Variants in CD81 observed in about 807,000 individuals in gnomAD.
CD81 encodes the protein CD81 antigen.
A neutral mutation model predicts 30.1 loss-of-function variants in CD81; 10 were observed. The ratio of observed to expected loss-of-function variants is 0.33; its 90% CI spans 0.21 to 0.56. The LOEUF (loss-of-function observed/expected upper bound fraction) is 0.56, where lower values mean the gene tolerates loss of function less well. Among genes scored for constraint, CD81 ranks in the 20% least tolerant of loss-of-function variants. The probability of loss-of-function intolerance (pLI) is 0.89; values close to 1 mark genes in which losing one functional copy is unlikely to be tolerated. For missense variants in CD81, 263 were observed against 308.7 expected (o/e 0.85, Z 1.11); for synonymous variants, 147 against 126.4 (o/e 1.16, Z -1.10).
At position 2,396,696 on chromosome 11, in the gene CD81, C is replaced by T. The variant is rs145975232; in HGVS notation, c.630C>T (p.Ile210=). 33 of 1,611,644 alleles carry T rather than the reference C, an allele frequency of 2.0e-5. No homozygotes were observed. Among genetic ancestry groups the T allele is most frequent in the South Asian group, 3.3e-5 (3 of 91,096 alleles). ...TGTACCTCATCGGCATTGCTGCCAT[C>T]GTGGTCGCTGTGATCATGGTGAGCG... ...GKLYLIGIAA[I]VVAVIMIFEM... The change falls in exon 7 of 8, where the codon ATC becomes ATT. Residue 210 remains isoleucine, a synonymous_variant. Transcript: ENST00000263645.
At chr11:2,381,995 C>T (rs1849712354) in intron 1 of CD81, among the ~76,000 whole-genome samples, 1 of 152,224 alleles carries the variant, frequency 6.6e-6, no homozygotes, top group East Asian at 1.9e-4. Context: ...CCAAACTAAG[C>T]CCCCCAACCT....
At chr11:2,383,221 C>T (rs997562649) in intron 1 of CD81, among the ~76,000 whole-genome samples, 1 of 152,192 alleles carries the variant, frequency 6.6e-6, no homozygotes, top group Admixed American at 6.5e-5. Context: ...GCTCCTCTTC[C>T]CTCCATGCTG....
At chr11:2,385,697 G>A (rs145147584) in intron 1 of CD81, 4,278 of 307,872 alleles carry the variant, frequency 0.014, 106 homozygotes, top group Non-Finnish European at 0.019. Flanking sequence ...CGTGCCCGTC[G>A]TCTGTGCACC....
In CD81 at chr11:2,379,152, G is replaced by A. The variant is rs193197163; in HGVS notation, c.66+1537G>A. 87 of 454,836 alleles carry A rather than the reference G, an allele frequency of 1.9e-4. No homozygotes were observed. The East Asian group carries it at 5.5e-3, about 29-fold the overall frequency. The allele number at this position is 454,836 out of a possible 1,614,324, so 28.2% of individuals were successfully genotyped here. A position where few individuals can be genotyped will look rare whatever the true frequency, so the allele number is the denominator to read the frequency against. On this transcript the variant is annotated intron_variant, in intron 1 of 7. Transcript: ENST00000263645. ...GCTTCAGCCCAGGCATGTGGGAGAGGCACCAGACACAGGATGTCCCTCTGC... is the reference window on the plus strand; with the variant it reads ...GCTTCAGCCCAGGCATGTGGGAGAGACACCAGACACAGGATGTCCCTCTGC...
chr11:2,379,250 C>A (rs1326251082), intron 1 of CD81: 1 of 419,860 alleles, frequency 2.4e-6, no homozygotes, highest in Non-Finnish European at 4.8e-6. Flanking sequence ...GACTGTGGAC[C>A]TGGGGGTGGG....
chr11:2,377,697 C>A lies in CD81; in HGVS notation c.66+82C>A, dbSNP rs1338631663. ...GCAGGTCCCGCGGCAGCGTGCTAGG[C>A]CCCGCGGGCGCAGCGCGGGCCGCGA... On this transcript the variant is annotated intron_variant, in intron 1 of 7. Transcript: ENST00000263645. The surrounding 1 kb of genome is among the most constrained non-coding windows in gnomAD (Gnocchi z 7.7). The A allele has an allele frequency of 2.2e-6, 2 of 918,144 alleles. No homozygotes were observed. Among genetic ancestry groups the A allele is most frequent in the Non-Finnish European group, 3.1e-6 (2 of 652,708 alleles). 56.9% of individuals were successfully genotyped at this position (918,144 alleles called of 1,614,324 possible).
At chr11:2,395,385 C>T (rs1849978256) in intron 4 of CD81, 31 bp from the exon 5 acceptor site, 1 of 1,549,544 alleles carries the variant, frequency 6.5e-7, no homozygotes, top group Non-Finnish European at 8.9e-7. Flanking sequence ...GGGAGGTTCC[C>T]CCTGTGCATG....
intron 2 of CD81, chr11:2,391,019 T>G: frequency 4.2e-6 from 1 of 237,342 alleles, no homozygotes; most frequent in Non-Finnish European, 8.4e-6. Flanking sequence ...TGCACCTTGC[T>G]GCCTTATTAG....
intron 2 of CD81, among the ~76,000 whole-genome samples, chr11:2,390,874 G>A (rs575396413): frequency 2.0e-5 from 3 of 152,028 alleles, no homozygotes; most frequent in South Asian, 4.1e-4. Flanking sequence ...AGCTGGCGCT[G>A]TGGAGCCCGG....
intron 1 of CD81, among the ~76,000 whole-genome samples, chr11:2,389,543 T>A (rs1849858315): frequency 1.3e-5 from 2 of 152,046 alleles, no homozygotes; most frequent in African/African-American, 4.8e-5. Context: ...TAGAGTTGAT[T>A]GTGTGCACAC....
chr11:2,381,290 G>T (rs978388868), intron 1 of CD81, among the ~76,000 whole-genome samples: 3 of 152,220 alleles, frequency 2.0e-5, no homozygotes, highest in African/African-American at 7.2e-5. Flanking sequence ...CTACTTCCCC[G>T]GTCGCCCCTG....
chr11:2,381,830 C>G (rs1440449476), intron 1 of CD81, among the ~76,000 whole-genome samples: 1 of 152,246 alleles, frequency 6.6e-6, no homozygotes, highest in Non-Finnish European at 1.5e-5. Flanking sequence ...GAACCAGGCT[C>G]TCCCAGAAAT....
At position 2,383,775 on chromosome 11, in the gene CD81, C is replaced by T. The variant is rs552678252; in HGVS notation, c.66+6160C>T. Among the ~76,000 whole-genome samples, 8 of 152,356 alleles carry T rather than the reference C, an allele frequency of 5.3e-5. No individual in the cohort carries two copies. The South Asian group carries it at 1.2e-3, about 24-fold the overall frequency. On this transcript the variant is annotated intron_variant, in intron 1 of 7. Coordinates refer to ENST00000263645, the MANE Select transcript of CD81 (RefSeq NM_004356.4). ...AAAGGCGGGTGAGCTGATGTACCAT[C>T]GTCCTCGTCCCCCACTGGGGTGCCT...
Position 2,377,623 on chromosome 11 carries a change from C to A in CD81, c.66+8C>A. On this transcript the variant is annotated splice_region_variant and intron_variant, in intron 1 of 7. Transcript: ENST00000263645. The surrounding 1 kb of genome is among the most constrained non-coding windows in gnomAD (Gnocchi z 7.7). ...TTCAATTTCGTCTTCTGGGTAAGGG[C>A]TGCGCCGGGGGCCGGGGCGGGAGGG... 6.5e-7 allele frequency: 1 copy of A among 1,533,980 alleles called. No homozygotes were observed. The highest frequency in any genetic ancestry group is 8.8e-7 in the Non-Finnish European group (1 of 1,134,190).
intron 1 of CD81, among the ~76,000 whole-genome samples, chr11:2,386,860 C>T (rs1362759686): frequency 2.0e-5 from 3 of 152,246 alleles, no homozygotes; most frequent in African/African-American, 7.2e-5. Flanking sequence ...CAGGCTCTTT[C>T]AGGCCCTGCA....
intron 1 of CD81, chr11:2,382,699 G>A (rs1849724695): frequency 6.6e-6 from 1 of 152,392 alleles, no homozygotes; most frequent in Non-Finnish European, 1.5e-5. Flanking sequence ...AGCCCTGCCA[G>A]GAGCATGATA....
chr11:2,396,116 G>A, intron 6 of CD81, 146 bp downstream of exon 6: 3 of 634,398 alleles, frequency 4.7e-6, no homozygotes, highest in Non-Finnish European at 8.7e-6. Flanking sequence ...TCTGCTGGGA[G>A]GGTTGGGGTG....
Position 2,395,905 on chromosome 11 carries a change from A to G in CD81, c.496A>G (p.Thr166Ala), listed in dbSNP as rs1849991107. 1 of 1,612,324 alleles carries G rather than the reference A, an allele frequency of 6.2e-7. No homozygotes were observed. The highest frequency in any genetic ancestry group is 8.5e-7 in the Non-Finnish European group (1 of 1,179,744). ...TGGCTCCAGCACACTGACTGCTTTGACCACCTCAGTGCTCAAGAACAATTT... is the reference window on the plus strand; with the variant it reads ...TGGCTCCAGCACACTGACTGCTTTGGCCACCTCAGTGCTCAAGAACAATTT... ...CCGSSTLTAL[T>A]TSVLKNNLCP... is the part of the protein sequence containing the mutation. The change falls in exon 6 of 8, where the codon ACC (threonine) becomes GCC (alanine). Residue 166 changes from threonine to alanine, a missense_variant. By Grantham distance (58) the Thr-to-Ala change is moderately conservative. Transcript: ENST00000263645.
intron 2 of CD81, chr11:2,391,713 G>A (rs541766303): frequency 2.0e-5 from 3 of 152,346 alleles, no homozygotes; most frequent in African/African-American, 7.2e-5. Context: ...TGCCCTCACA[G>A]GTGGTGTCAG....
Sources: allele counts gnomAD v4.1 joint callset (sites outside exome capture counted in the v4.1 genomes callset), GRCh38; gene constraint gnomAD v4.1.1; non-coding constraint Gnocchi (gnomAD v3.1); transcripts MANE v1.5; gene names NCBI Gene and HGNC (gene_info 2026-07-23, HGNC 2026-07-21).